The following ZNF148 variants were observed in gnomAD, a reference collection of about 807,000 sequenced individuals.
ZNF148 encodes the protein zinc finger protein 148.
ZNF148 carries 7 observed loss-of-function variants against 67.7 expected under a neutral mutation model. The observed-to-expected ratio is 0.10, with a 90% CI of 0.06 to 0.19. The LOEUF is 0.19. Ranked by LOEUF, ZNF148 falls within the 10% of genes least tolerant of loss-of-function variation. The pLI is 1.00. For missense variants in ZNF148, 583 were observed against 947.1 expected (o/e 0.62, Z 5.05); for synonymous variants, 333 against 330.7 (o/e 1.01, Z -0.08).
In ZNF148 at chr3:125,233,275, CTGT is replaced by C. The variant is rs1252251875; in HGVS notation, c.1448_1450del (p.Asn483del). The C allele has an allele frequency of 4.3e-6, 7 of 1,613,886 alleles. No homozygotes were observed. The highest frequency in any genetic ancestry group is 5.9e-6 in the Non-Finnish European group (7 of 1,179,892). ...ACCCACATTCAGCGCATATTCCCTG[CTGT>C]TGTTACTTGCTGCTTGAAGATACCG... is the stretch of plus-strand genomic sequence containing the variant. On this transcript the variant is annotated inframe_deletion, in exon 9 of 9. Coordinates refer to ENST00000360647, the MANE Select transcript of ZNF148 (RefSeq NM_021964.3). This position sits in a 1 kb window ranked among gnomAD's most constrained non-coding sequence, Gnocchi z 5.1.
chr3:125,289,525 A>AAT (rs1377896301), intron 4 of ZNF148, among the ~76,000 whole-genome samples: 1 of 152,230 alleles, frequency 6.6e-6, no homozygotes, highest in African/African-American at 2.4e-5. Flanking sequence ...ACTACAAAAT[A>AAT]CGATGGTAAA....
intron 2 of ZNF148, among the ~76,000 whole-genome samples, chr3:125,328,175 T>TA (rs1353297144): frequency 6.6e-6 from 1 of 152,122 alleles, no homozygotes; most frequent in African/African-American, 2.4e-5. Context: ...AAGTATAAGT[T>TA]AGAGACTCAT....
intron 1 of ZNF148, among the ~76,000 whole-genome samples, chr3:125,339,506 A>G (rs974254868): frequency 1.3e-5 from 2 of 152,340 alleles, no homozygotes; most frequent in East Asian, 3.9e-4. Context: ...GTAGACGCAC[A>G]GTAAAACAGT....
chr3:125,370,944 A>C (rs542371452), intron 1 of ZNF148, among the ~76,000 whole-genome samples: 2 of 152,240 alleles, frequency 1.3e-5, no homozygotes, highest in East Asian at 3.9e-4. Context: ...CACCACCTCC[A>C]TCAAACCCTG....
In ZNF148 at chr3:125,238,802, CT is replaced by C. The variant is rs375146296; in HGVS notation, c.668-4474del. Among the ~76,000 whole-genome samples, 38 of 152,256 alleles carry C rather than the reference CT, an allele frequency of 2.5e-4. 1 individual carries two copies. Among genetic ancestry groups the C allele is most frequent in the African/African-American group, 8.9e-4 (37 of 41,548 alleles). On this transcript the variant is annotated intron_variant, in intron 7 of 8. Coordinates refer to ENST00000360647, the MANE Select transcript of ZNF148 (RefSeq NM_021964.3). ...TTGAAAACATGGATTCAAACAGATG[CT>C]TGTATGCCAACACTGATCACAGAAT...
rs1935757594 is a variant in ZNF148, at chr3:125,229,298, GTC to G, written c.*3041_*3042del. 6.6e-6 allele frequency: 1 copy of G among 150,596 alleles called. No individual in the cohort carries two copies. Among genetic ancestry groups the G allele is most frequent in the African/African-American group, 2.4e-5 (1 of 40,866 alleles). 9.3% of individuals were successfully genotyped at this position (150,596 alleles called of 1,614,324 possible). A position where few individuals can be genotyped will look rare whatever the true frequency, so the allele number is the denominator to read the frequency against. On this transcript the variant is annotated 3_prime_UTR_variant, in exon 9 of 9. Coordinates refer to ENST00000360647, the MANE Select transcript of ZNF148 (RefSeq NM_021964.3). ...CTAACCTAGCTGGCACTCTGCAAGT[GTC>G]TCTCCTCTGTGGAAACGAAATCCTG...
intron 7 of ZNF148, among the ~76,000 whole-genome samples, chr3:125,242,222 T>C (rs1396956048): frequency 3.3e-5 from 5 of 152,242 alleles, no homozygotes; most frequent in Non-Finnish European, 5.9e-5. Context: ...TTTTCTTTTA[T>C]GGATACTGGA....
intron 4 of ZNF148, among the ~76,000 whole-genome samples, chr3:125,307,045 T>C (rs1172081563): frequency 3.6e-5 from 4 of 111,990 alleles, no homozygotes; most frequent in Admixed American, 1.9e-4. Context: ...AAAAACGACA[T>C]AGCTATTCCA....
intron 1 of ZNF148, among the ~76,000 whole-genome samples, chr3:125,331,828 TC>T (rs1238545563): frequency 2.6e-5 from 4 of 152,176 alleles, no homozygotes; most frequent in African/African-American, 9.7e-5. Context: ...AAATTAACAT[TC>T]CACATTGGTA....
chr3:125,245,868 C>T (rs1460804341), intron 7 of ZNF148, among the ~76,000 whole-genome samples: 20 of 152,156 alleles, frequency 1.3e-4, no homozygotes, highest in Admixed American at 1.3e-3. Flanking sequence ...ATGTTTAAAG[C>T]ATACTATTGG....
chr3:125,235,201 A>G (rs1029075083), intron 7 of ZNF148, among the ~76,000 whole-genome samples: 1 of 152,206 alleles, frequency 6.6e-6, no homozygotes, highest in Non-Finnish European at 1.5e-5. Flanking sequence ...TACTACTACT[A>G]TATCCAAACC....
At chr3:125,323,521 G>A (rs1033846972) in intron 2 of ZNF148, 77 bp from the exon 3 acceptor site, 7 of 547,152 alleles carry the variant, frequency 1.3e-5, no homozygotes, top group East Asian at 3.1e-5. Flanking sequence ...TGTGCAAATT[G>A]GTATGAATAC....
intron 1 of ZNF148, among the ~76,000 whole-genome samples, chr3:125,359,934 C>A (rs1451914181): frequency 6.6e-6 from 1 of 152,228 alleles, no homozygotes; most frequent in East Asian, 1.9e-4. Context: ...AAGTGCACCG[C>A]CAGCACAGGC....
At position 125,301,682 on chromosome 3, in the gene ZNF148, A is replaced by G. The variant is rs1939594784; in HGVS notation, c.333+11626T>C. Among the ~76,000 whole-genome samples, 4 of 152,194 alleles carry G rather than the reference A, an allele frequency of 2.6e-5. No individual in the cohort carries two copies. In the South Asian group the frequency reaches 8.3e-4, roughly 31 times the overall value. ...AGGCTTTATTTAGCACAATCTAGAA[A>G]AACACTTGAGTAAAGGACTGTTAAG... On this transcript the variant is annotated intron_variant, in intron 4 of 8. Coordinates refer to ENST00000360647, the MANE Select transcript of ZNF148 (RefSeq NM_021964.3).
chr3:125,352,890 C>A (rs975355288), intron 1 of ZNF148, among the ~76,000 whole-genome samples: 1 of 152,050 alleles, frequency 6.6e-6, no homozygotes, highest in Admixed American at 6.6e-5. Context: ...ATCAAGACAG[C>A]GTGGTACTGG....
In ZNF148 at chr3:125,285,191, G is replaced by A. The variant is rs531800227; in HGVS notation, c.459+2912C>T. Among the ~76,000 whole-genome samples, 4 of 152,308 alleles carry A rather than the reference G, an allele frequency of 2.6e-5. No individual in the cohort carries two copies. The East Asian group carries it at 7.7e-4, about 29-fold the overall frequency. On this transcript the variant is annotated intron_variant, in intron 5 of 8. Coordinates refer to ENST00000360647, the MANE Select transcript of ZNF148 (RefSeq NM_021964.3). ...AAGATTTGGAAAAGGTGCTGGGGGA[G>A]AGTGGAGTCCTCTAGGCATAATAAA...
At chr3:125,309,436 G>C (rs1337063809) in intron 4 of ZNF148, among the ~76,000 whole-genome samples, 2 of 152,094 alleles carry the variant, frequency 1.3e-5, no homozygotes, top group African/African-American at 4.8e-5. Flanking sequence ...CATCTTTTAA[G>C]GTGAAACATG....
chr3:125,334,802 C>G (rs1027754811), intron 1 of ZNF148, among the ~76,000 whole-genome samples: 1 of 151,982 alleles, frequency 6.6e-6, no homozygotes, highest in African/African-American at 2.4e-5. Flanking sequence ...ACCACCTCCA[C>G]CACCACCCAC....
chr3:125,357,989 T>C (rs1258020038), intron 1 of ZNF148, among the ~76,000 whole-genome samples: 1 of 152,204 alleles, frequency 6.6e-6, no homozygotes, highest in Non-Finnish European at 1.5e-5. Flanking sequence ...CATCTTTCCA[T>C]TTTACTTTTC....
Sources: allele counts gnomAD v4.1 joint callset (sites outside exome capture counted in the v4.1 genomes callset), GRCh38; gene constraint gnomAD v4.1.1; non-coding constraint Gnocchi (gnomAD v3.1); transcripts MANE v1.5; gene names NCBI Gene and HGNC (gene_info 2026-07-23, HGNC 2026-07-21).